PPARGC1B: variants seen among roughly 807,000 people sequenced by gnomAD.
PPARGC1B encodes PPARG coactivator 1 beta.
A neutral mutation model predicts 101.6 loss-of-function variants in PPARGC1B; 34 were observed. The observed-to-expected ratio is 0.33, with a 90% CI of 0.25 to 0.45. The LOEUF is 0.45. Ranked by LOEUF, PPARGC1B falls within the 20% of genes least tolerant of loss-of-function variation. The pLI, the probability that PPARGC1B is intolerant of heterozygous loss-of-function variation, is 1.00. For synonymous variants in PPARGC1B, 548 were observed against 539.3 expected (o/e 1.02, Z -0.22); for missense variants, 1,234 against 1,317.6 (o/e 0.94, Z 0.98).
At chr5:149,762,121 G>A (rs953561699) in intron 1 of PPARGC1B, among the ~76,000 whole-genome samples, 10 of 151,778 alleles carry the variant, frequency 6.6e-5, no homozygotes, top group Admixed American at 1.3e-4. Context: ...CAAGCAGGGA[G>A]GCAGGTGGGT....
chr5:149,835,411 CGTGCATCTCTGA>C, intron 7 of PPARGC1B, 46 bp downstream of exon 7: 1 of 1,545,244 alleles, frequency 6.5e-7, no homozygotes, highest in Non-Finnish European at 8.9e-7. Context: ...GGAAAACACC[CGTGCATCTCTGA>C]GTTTTTCATC....
At chr5:149,810,888 A>G (rs1757827889) in intron 1 of PPARGC1B, among the ~76,000 whole-genome samples, 2 of 152,058 alleles carry the variant, frequency 1.3e-5, no homozygotes, top group Admixed American at 1.3e-4. Flanking sequence ...CTTCCGGTAC[A>G]CAAAACCTTG....
chr5:149,800,594 A>C (rs1757399854), intron 1 of PPARGC1B, among the ~76,000 whole-genome samples: 1 of 152,198 alleles, frequency 6.6e-6, no homozygotes, highest in African/African-American at 2.4e-5. Flanking sequence ...TGGGACTGTT[A>C]GGCACTTTTG....
chr5:149,734,468 A>C (rs1448862229), intron 1 of PPARGC1B, among the ~76,000 whole-genome samples: 1 of 151,290 alleles, frequency 6.6e-6, no homozygotes, highest in Non-Finnish European at 1.5e-5. Flanking sequence ...TATTCTACTT[A>C]GTATCTTAAT....
At chr5:149,798,653 A>C (rs1377808989) in intron 1 of PPARGC1B, among the ~76,000 whole-genome samples, 2 of 152,176 alleles carry the variant, frequency 1.3e-5, no homozygotes, top group African/African-American at 4.8e-5. Context: ...GTTCTAGTTC[A>C]CGTTCTTCCC....
At chr5:149,774,984 G>T (rs1266922983) in intron 1 of PPARGC1B, among the ~76,000 whole-genome samples, 1 of 152,144 alleles carries the variant, frequency 6.6e-6, no homozygotes, top group East Asian at 1.9e-4. Flanking sequence ...AGAGCCGGGC[G>T]AGCTGCAGCC....
At chr5:149,783,704 C>T (rs543334033) in intron 1 of PPARGC1B, among the ~76,000 whole-genome samples, 1 of 152,308 alleles carries the variant, frequency 6.6e-6, no homozygotes, top group South Asian at 2.1e-4. Flanking sequence ...TTCAAATTCC[C>T]CCTCTTTACA....
chr5:149,819,429 C>T (rs1357217409), intron 1 of PPARGC1B, among the ~76,000 whole-genome samples: 1 of 152,002 alleles, frequency 6.6e-6, no homozygotes, highest in Non-Finnish European at 1.5e-5. Flanking sequence ...CACAGATCTT[C>T]CTCATTCTTT....
intron 1 of PPARGC1B, among the ~76,000 whole-genome samples, chr5:149,737,976 A>G (rs1382180327): frequency 1.3e-5 from 2 of 152,084 alleles, no homozygotes; most frequent in African/African-American, 4.8e-5. Flanking sequence ...CTTGGGTGAC[A>G]GAGTGAGACT....
At position 149,833,417 on chromosome 5, in the gene PPARGC1B, G is replaced by A. The variant is rs1260985317; in HGVS notation, c.1344G>A (p.Glu448=). The A allele has an allele frequency of 1.9e-6, 3 of 1,593,964 alleles. No homozygotes were observed. The East Asian group carries it at 6.9e-5, about 36-fold the overall frequency. ...AAGAGGAAGAAGAAAAAGAGGAGGA[G>A]GAGGAGTGGGGCAGGAAAAGGCCAG... is the stretch of plus-strand genomic sequence containing the variant. ...EEEEEEEKEE[E]EEWGRKRPGR... is the part of the protein sequence containing the mutation. Residue 448 remains glutamate (E), a synonymous_variant, in exon 5 of 12, where the codon GAG becomes GAA. Transcript: ENST00000309241. This position sits in a 1 kb window ranked among gnomAD's most constrained non-coding sequence, Gnocchi z 4.1.
At chr5:149,749,045 GT>G (rs5872145) in intron 1 of PPARGC1B, among the ~76,000 whole-genome samples, 123,956 of 151,924 alleles carry the variant, frequency 0.82, 50,718 homozygotes, top group South Asian at 0.89. Flanking sequence ...AGGGATTTGT[GT>G]TAAGGATTGA....
chr5:149,742,243 A>G (rs1468115270), intron 1 of PPARGC1B, among the ~76,000 whole-genome samples: 1 of 152,092 alleles, frequency 6.6e-6, no homozygotes, highest in Non-Finnish European at 1.5e-5. Context: ...ATACCAGGCA[A>G]CCATGGGGGC....
rs376056162 is a variant in PPARGC1B, at chr5:149,843,614, C to T, written c.2816+1237C>T. 1.5e-4 allele frequency among the ~76,000 whole-genome samples: 23 copies of T among 152,278 alleles called. No individual in the cohort carries two copies. In the East Asian group the frequency reaches 2.1e-3, roughly 14 times the overall value. On this transcript the variant is annotated intron_variant, in intron 10 of 11. Transcript: ENST00000309241. ...ATCAGAAAATTAAACCTAGAACCCC[C>T]ATCTGATCCAGCCATTCCACTTACG...
intron 3 of PPARGC1B, among the ~76,000 whole-genome samples, chr5:149,827,087 C>T (rs1314630225): frequency 1.3e-5 from 2 of 152,230 alleles, no homozygotes; most frequent in African/African-American, 2.4e-5. Context: ...GAGGTACTAA[C>T]GACAGAGGCT....
At chr5:149,803,304 T>G (rs1280142581) in intron 1 of PPARGC1B, among the ~76,000 whole-genome samples, 1 of 152,222 alleles carries the variant, frequency 6.6e-6, no homozygotes, top group Non-Finnish European at 1.5e-5. Context: ...GTCTTTGACT[T>G]GCTCTGTGAC....
rs372986442 is a variant in PPARGC1B, at chr5:149,833,204, C to T, written c.1131C>T (p.Pro377=). ...TCACACCTCGGTCAAGGCCCAGGCC[C>T]CCCAAAGACAGTCAGGCCTCCCCTG... The part of the protein sequence containing the change: ...ASLTPRSRPR[P]PKDSQASPGR... Residue 377 remains proline, a synonymous_variant, in exon 5 of 12, where the codon CCC becomes CCT. Transcript: ENST00000309241. This position sits in a 1 kb window ranked among gnomAD's most constrained non-coding sequence, Gnocchi z 4.1. The T allele has an allele frequency of 4.3e-6, 7 of 1,613,284 alleles. No homozygotes were observed. The African/African-American group carries it at 8.0e-5, about 18-fold the overall frequency.
In PPARGC1B at chr5:149,826,826, C is replaced by T; in HGVS notation, c.406C>T (p.Pro136Ser). 6 of 1,613,956 alleles carry T rather than the reference C, an allele frequency of 3.7e-6. No homozygotes were observed. The highest frequency in any genetic ancestry group is 5.1e-6 in the Non-Finnish European group (6 of 1,179,870). ...SASPAPSSAP[P>S]SPAPEKPSAP... is the part of the protein sequence containing the mutation. The stretch of plus-strand genomic sequence containing the variant: ...TTCGCCTGCCCCCTCATCTGCACCC[C>T]CCAGCCCTGCCCCGGAGAAGCCCTC... Residue 136 changes from proline (P) to serine (S), a missense_variant, in exon 3 of 12, where the codon CCC (proline) becomes TCC (serine). Transcript: ENST00000309241.
chr5:149,855,888 G>A (rs944930066), downstream of PPARGC1B, among the ~76,000 whole-genome samples: 12 of 152,044 alleles, frequency 7.9e-5, no homozygotes, highest in Admixed American at 1.3e-4. Flanking sequence ...AGGCTGAGGC[G>A]GGCGGATCAC....
chr5:149,805,841 A>G (rs1351509302), intron 1 of PPARGC1B, among the ~76,000 whole-genome samples: 1 of 152,262 alleles, frequency 6.6e-6, no homozygotes. Flanking sequence ...GGGAAACCTA[A>G]TTAACTCTTT....
Sources: allele counts gnomAD v4.1 joint callset (sites outside exome capture counted in the v4.1 genomes callset), GRCh38; gene constraint gnomAD v4.1.1; non-coding constraint Gnocchi (gnomAD v3.1); transcripts MANE v1.5; gene names NCBI Gene and HGNC (gene_info 2026-07-23, HGNC 2026-07-21).